The following TTBK2 variants were observed in gnomAD, a reference collection of about 807,000 sequenced individuals.
The protein encoded by TTBK2 is tau-tubulin kinase 2.
Under a neutral mutation model 110.8 loss-of-function variants are expected in TTBK2, and 28 were observed. That is an observed-to-expected ratio of 0.25 (90% CI 0.19 to 0.35). The LOEUF is 0.35. Among genes scored for constraint, TTBK2 ranks in the 10% least tolerant of loss-of-function variants. TTBK2 has a pLI of 1.00. For missense variants in TTBK2, 1,369 were observed against 1,500.3 expected (o/e 0.91, Z 1.45); for synonymous variants, 532 against 527.3 (o/e 1.01, Z -0.12).
rs2140525365 is a variant in TTBK2, at chr15:42,738,748, T to G, written c.*7047A>C. On this transcript the variant is annotated 3_prime_UTR_variant, in exon 15 of 15. Transcript: ENST00000267890. ...TAAAAAGGAGCTTTTAATATTTTAA[T>G]TTTATTACAGGAAAACATCTCCTAA... 6.6e-6 allele frequency: 1 copy of G among 152,338 alleles called. No homozygotes were observed. The highest frequency in any genetic ancestry group is 3.4e-3 in the Middle Eastern group (1 of 294). 9.4% of individuals were successfully genotyped at this position (152,338 alleles called of 1,614,324 possible).
intron 9 of TTBK2, among the ~76,000 whole-genome samples, chr15:42,807,607 T>TTGTTGC (rs1480093335): frequency 6.6e-6 from 1 of 151,704 alleles, no homozygotes; most frequent in Non-Finnish European, 1.5e-5. Context: ...GTTGTTGTTG[T>TTGTTGC]TTTGTTTTTT....
chr15:42,860,552 A>G (rs977859445), intron 3 of TTBK2, among the ~76,000 whole-genome samples: 13 of 151,476 alleles, frequency 8.6e-5, no homozygotes, highest in African/African-American at 2.4e-4. Context: ...CTCAAGACCA[A>G]CTGAACTCCT....
At chr15:42,772,095 A>T (rs890962199) in intron 13 of TTBK2, among the ~76,000 whole-genome samples, 8 of 152,132 alleles carry the variant, frequency 5.3e-5, no homozygotes, top group African/African-American at 1.7e-4. Flanking sequence ...ACCCTCGTAT[A>T]GACCCTCATA....
At chr15:42,816,944 A>T in intron 7 of TTBK2, 88 bp downstream of exon 7, 4 of 637,976 alleles carry the variant, frequency 6.3e-6, no homozygotes, top group Non-Finnish European at 8.4e-6. Flanking sequence ...ATATATATAT[A>T]TAAAATAATA....
At chr15:42,793,180 G>C (rs776413164) in intron 10 of TTBK2, among the ~76,000 whole-genome samples, 4 of 152,202 alleles carry the variant, frequency 2.6e-5, no homozygotes, top group Non-Finnish European at 4.4e-5. Flanking sequence ...ATGGACTTCT[G>C]TGCCCCACTT....
At chr15:42,897,769 C>T (rs749817446) in intron 1 of TTBK2, among the ~76,000 whole-genome samples, 5 of 150,816 alleles carry the variant, frequency 3.3e-5, no homozygotes, top group Admixed American at 6.6e-5. Flanking sequence ...AGAAGATGTA[C>T]AAGAGGTAAC....
intron 13 of TTBK2, among the ~76,000 whole-genome samples, chr15:42,760,384 C>CAAAAAAA (rs3036888): frequency 2.2e-5 from 2 of 89,180 alleles, no homozygotes; most frequent in Admixed American, 1.4e-4. Flanking sequence ...GACTCCATCT[C>CAAAAAAA]AAAAAAAAAA....
In TTBK2 at chr15:42,830,046, C is replaced by T; in HGVS notation, c.324G>A (p.Gln108=). ...GRNLADLRRS[Q]SRGTFTISTT... The stretch of plus-strand genomic sequence containing the variant: ...TACTAATGGTGAATGTGCCTCGGGA[C>T]TGGCTACGGCGAAGATCTGCCAGAT... Residue 108 remains glutamine (Q), a synonymous_variant, in exon 5 of 15, where the codon CAG becomes CAA. Transcript: ENST00000267890. The T allele has an allele frequency of 1.9e-6, 3 of 1,614,144 alleles. No individual in the cohort carries two copies. Among genetic ancestry groups the T allele is most frequent in the Non-Finnish European group, 2.5e-6 (3 of 1,180,032 alleles).
intron 1 of TTBK2, among the ~76,000 whole-genome samples, chr15:42,879,073 A>G (rs990428462): frequency 1.3e-5 from 2 of 152,208 alleles, no homozygotes; most frequent in Non-Finnish European, 2.9e-5. Flanking sequence ...TTAGAGCTTA[A>G]TATCATTAGA....
Position 42,773,199 on chromosome 15 carries a change from C to T in TTBK2, c.1998+1936G>A, listed in dbSNP as rs1889752766. Among the ~76,000 whole-genome samples, 2 of 152,016 alleles carry T rather than the reference C, an allele frequency of 1.3e-5. 1 individual carries two copies. Among genetic ancestry groups the T allele is most frequent in the Admixed American group, 1.3e-4 (2 of 15,254 alleles). Reference sequence around the variant, plus strand: ...GCCTGGGTGACTGAGGAAGACCTAGCCTCTAAAATAGAAATAAAAAACTGA... The same window carrying T: ...GCCTGGGTGACTGAGGAAGACCTAGTCTCTAAAATAGAAATAAAAAACTGA... On this transcript the variant is annotated intron_variant, in intron 13 of 14. Transcript: ENST00000267890.
intron 1 of TTBK2, among the ~76,000 whole-genome samples, chr15:42,912,870 A>T (rs2030856429): frequency 6.6e-6 from 1 of 152,134 alleles, no homozygotes; most frequent in African/African-American, 2.4e-5. Context: ...TCACGCCTGT[A>T]ATCCCAGCAC....
chr15:42,794,764 A>C lies in TTBK2; in HGVS notation c.860T>G (p.Phe287Cys). The change falls in exon 10 of 15, where the codon TTT becomes TGT. Residue 287 changes from phenylalanine to cysteine, a missense_variant. Transcript: ENST00000267890. ...TSVFDNSIKT[F>C]GVIESDPFDW... ...AAAAGGGTCACTCTCAATTACTCCA[A>C]AAGTCTTGATGCTATTGTCAAACAC... 6.2e-7 allele frequency: 1 copy of C among 1,614,186 alleles called. No individual in the cohort carries two copies. Among genetic ancestry groups the C allele is most frequent in the African/African-American group, 1.3e-5 (1 of 75,038 alleles).
chr15:42,902,451 C>T (rs918603654), intron 1 of TTBK2, among the ~76,000 whole-genome samples: 2 of 151,720 alleles, frequency 1.3e-5, no homozygotes, highest in Non-Finnish European at 2.9e-5. Flanking sequence ...ACCCAGGAGG[C>T]GGAGATTGCG....
At position 42,783,491 on chromosome 15, in the gene TTBK2, G is replaced by T; in HGVS notation, c.1125C>A (p.Pro375=). 6.2e-7 allele frequency: 1 copy of T among 1,614,120 alleles called. No homozygotes were observed. Among genetic ancestry groups the T allele is most frequent in the Non-Finnish European group, 8.5e-7 (1 of 1,180,036 alleles). ...CCCAAACATCCTTCTCCTGGGGACG[G>T]GGGTGTCCCAGAGATCCAGGCAATT... is the stretch of plus-strand genomic sequence containing the variant. The part of the protein sequence containing the change: ...PDKLPGSLGH[P]RPQEKDVWEE... The change falls in exon 11 of 15, where the codon CCC becomes CCA. Residue 375 remains proline, a synonymous_variant. Coordinates refer to ENST00000267890, the MANE Select transcript of TTBK2 (RefSeq NM_173500.4).
intron 3 of TTBK2, among the ~76,000 whole-genome samples, chr15:42,859,149 G>C (rs1894057630): frequency 6.6e-6 from 1 of 152,042 alleles, no homozygotes; most frequent in South Asian, 2.1e-4. Flanking sequence ...CTGTTGCCCA[G>C]GCTGGAGTGC....
intron 3 of TTBK2, among the ~76,000 whole-genome samples, chr15:42,852,072 C>T (rs1329654192): frequency 1.4e-5 from 2 of 141,812 alleles, no homozygotes; most frequent in East Asian, 2.0e-4. Flanking sequence ...ATATTACCAA[C>T]TTTTTTTTTT....
At chr15:42,852,117 G>A (rs1415032585) in intron 3 of TTBK2, among the ~76,000 whole-genome samples, 5 of 151,144 alleles carry the variant, frequency 3.3e-5, no homozygotes, top group South Asian at 4.2e-4. Flanking sequence ...TCACCCAGGC[G>A]GGAGTGCAGT....
At chr15:42,806,310 C>A (rs1891468437) in intron 9 of TTBK2, among the ~76,000 whole-genome samples, 1 of 152,166 alleles carries the variant, frequency 6.6e-6, no homozygotes, top group Non-Finnish European at 1.5e-5. Context: ...AAATTTATTT[C>A]TTTCCAAGGC....
At position 42,811,773 on chromosome 15, in the gene TTBK2, C is replaced by T; in HGVS notation, c.611G>A (p.Gly204Glu). 1 of 1,613,456 alleles carries T rather than the reference C, an allele frequency of 6.2e-7. No individual in the cohort carries two copies. Among genetic ancestry groups the T allele is most frequent in the Non-Finnish European group, 8.5e-7 (1 of 1,179,630 alleles). Residue 204 changes from glycine (G) to glutamate (E), a missense_variant, in exon 8 of 15, where the codon GGA becomes GAA. By Grantham distance (98) the Gly-to-Glu change is moderately conservative. This residue lies in a region of TTBK2 where 138 missense variants were observed against 179.0 expected (regional missense o/e 0.77). Coordinates refer to ENST00000267890, the MANE Select transcript of TTBK2 (RefSeq NM_173500.4). ...SINAHRNREM[G>E]RHDDLWSLFY... Reference sequence around the variant, plus strand: ...TAAGGACCAAAGGTCATCATGTCTTCCCATTTCCTTCATAAACAAAACAGA... The same window carrying T: ...TAAGGACCAAAGGTCATCATGTCTTTCCATTTCCTTCATAAACAAAACAGA...
Sources: allele counts gnomAD v4.1 joint callset (sites outside exome capture counted in the v4.1 genomes callset), GRCh38; gene constraint gnomAD v4.1.1; regional missense constraint gnomAD v4.1.1; transcripts MANE v1.5; gene names NCBI Gene and HGNC (gene_info 2026-07-23, HGNC 2026-07-21).